Variants in ARHGEF10 observed in about 807,000 individuals in gnomAD.
The protein encoded by ARHGEF10 is Rho guanine nucleotide exchange factor 10.
ARHGEF10 carries 140 observed loss-of-function variants against 147.4 expected under a neutral mutation model. The ratio of observed to expected loss-of-function variants is 0.95; its 90% CI spans 0.83 to 1.09. The LOEUF (loss-of-function observed/expected upper bound fraction) is 1.09, where lower values mean the gene tolerates loss of function less well. ARHGEF10 is among the 50% of genes least tolerant of loss of function. ARHGEF10 has a pLI of 0.00. For synonymous variants in ARHGEF10, 902 were observed against 695.8 expected, an observed-to-expected ratio of 1.30 and a Z score of -4.67; for missense variants, 2,222 against 1,752.7, an observed-to-expected ratio of 1.27 and a Z score of -4.78.
At chr8:1,858,757 G>T (rs1158717869) in intron 3 of ARHGEF10, 1 of 136,928 alleles carries the variant, frequency 7.3e-6, no homozygotes, top group East Asian at 2.3e-4. Context: ...GTTTCTTCAG[G>T]TGTAGTACCA....
At position 1,954,695 on chromosome 8, in the gene ARHGEF10, G is replaced by T. The variant is rs566912912; in HGVS notation, c.3520+1868G>T. ...CTCTCTGCTCACAACCCTAGGAAAT[G>T]ATGATGCTGAGTTTTACGTCAATTA... On this transcript the variant is annotated intron_variant, in intron 28 of 28. Coordinates refer to ENST00000349830, the MANE Select transcript of ARHGEF10 (RefSeq NM_014629.4). 3.3e-5 allele frequency among the ~76,000 whole-genome samples: 5 copies of T among 152,332 alleles called. No homozygotes were observed. In the South Asian group the frequency reaches 8.3e-4, roughly 25 times the overall value.
intron 26 of ARHGEF10, among the ~76,000 whole-genome samples, chr8:1,935,944 C>A (rs1176512015): frequency 6.6e-6 from 1 of 152,218 alleles, no homozygotes. Flanking sequence ...GCTGTGGTGC[C>A]TGATGAGCCC....
rs745842941 is a variant in ARHGEF10 at position 1,933,863 on chromosome 8, T to G, written c.3143T>G (p.Leu1048Arg). Residue 1048 changes from leucine (L) to arginine (R), a missense_variant, in exon 26 of 29, where the codon CTA becomes CGA. By Grantham distance (102) the Leu-to-Arg change is moderately radical. Coordinates refer to ENST00000349830, the MANE Select transcript of ARHGEF10 (RefSeq NM_014629.4). Reference protein sequence around the residue: ...IKLGVLPVRSLLMMEDTLWAA... With the variant: ...IKLGVLPVRSRLMMEDTLWAA... ...TTAGGCGTCCTACCAGTTAGAAGTCTACTCATGATGGAAGACACGTTGTGG... is the reference window on the plus strand; with the variant it reads ...TTAGGCGTCCTACCAGTTAGAAGTCGACTCATGATGGAAGACACGTTGTGG... 3 of 1,614,238 alleles carry G rather than the reference T, an allele frequency of 1.9e-6. No homozygotes were observed. Among genetic ancestry groups the G allele is most frequent in the Admixed American group, 3.3e-5 (2 of 60,028 alleles).
intron 1 of ARHGEF10, among the ~76,000 whole-genome samples, chr8:1,842,311 TGA>T (rs1242376179): frequency 6.6e-6 from 1 of 152,130 alleles, no homozygotes; most frequent in African/African-American, 2.4e-5. Context: ...TGTCTGCTTC[TGA>T]GAGTGCCAGA....
chr8:1,853,031 C>T (rs771542788), intron 2 of ARHGEF10, among the ~76,000 whole-genome samples: 1 of 152,162 alleles, frequency 6.6e-6, no homozygotes, highest in Non-Finnish European at 1.5e-5. Flanking sequence ...AAGAATGGTC[C>T]CCAGGTTAGA....
intron 18 of ARHGEF10, among the ~76,000 whole-genome samples, chr8:1,919,280 T>C (rs1227499179): frequency 6.8e-6 from 1 of 146,406 alleles, no homozygotes; most frequent in Non-Finnish European, 1.5e-5. Flanking sequence ...AGCTGTTCTG[T>C]GGGTGATGAG....
chr8:1,954,373 G>A (rs1010707890), intron 28 of ARHGEF10, among the ~76,000 whole-genome samples: 3 of 152,154 alleles, frequency 2.0e-5, no homozygotes, highest in East Asian at 1.9e-4. Context: ...ATTCTGTGTC[G>A]ACGTGATGCT....
At chr8:1,843,847 C>G (rs1804289406) in intron 2 of ARHGEF10, among the ~76,000 whole-genome samples, 1 of 152,222 alleles carries the variant, frequency 6.6e-6, no homozygotes, top group African/African-American at 2.4e-5. Context: ...TTCTGCCTCC[C>G]TCCTCTGAGC....
At chr8:1,950,112 C>G (rs1214299811) in intron 27 of ARHGEF10, among the ~76,000 whole-genome samples, 1 of 152,136 alleles carries the variant, frequency 6.6e-6, no homozygotes, top group Non-Finnish European at 1.5e-5. Flanking sequence ...CACGTGTAAC[C>G]CATTTACCAA....
At chr8:1,887,127 C>T (rs1421966779) in intron 11 of ARHGEF10, among the ~76,000 whole-genome samples, 1 of 152,222 alleles carries the variant, frequency 6.6e-6, no homozygotes, top group East Asian at 1.9e-4. Context: ...TGTGGGGTAC[C>T]TATTCTGGTG....
intron 16 of ARHGEF10, among the ~76,000 whole-genome samples, chr8:1,904,869 C>G (rs1291119686): frequency 1.3e-5 from 2 of 152,132 alleles, no homozygotes; most frequent in Non-Finnish European, 1.5e-5. Context: ...GCCTGTAATC[C>G]CAGCTCTTTG....
intron 2 of ARHGEF10, among the ~76,000 whole-genome samples, chr8:1,853,767 T>C (rs1805331752): frequency 6.6e-6 from 1 of 152,202 alleles, no homozygotes; most frequent in African/African-American, 2.4e-5. Flanking sequence ...CCCGGGAATG[T>C]AGGTCACAGC....
At chr8:1,874,868 T>G (rs1339224167) in intron 7 of ARHGEF10, among the ~76,000 whole-genome samples, 49 of 72,858 alleles carry the variant, frequency 6.7e-4, no homozygotes, top group African/African-American at 2.2e-3. Context: ...TCTAAGACAG[T>G]CTGGTGGGAG....
intron 27 of ARHGEF10, among the ~76,000 whole-genome samples, chr8:1,947,690 A>C (rs1400589514): frequency 1.0e-5 from 1 of 97,744 alleles, no homozygotes; most frequent in Non-Finnish European, 2.0e-5. Context: ...CCCCGCATTC[A>C]GCACCCACCC....
chr8:1,909,218 G>T (rs1182205316), intron 17 of ARHGEF10, 77 bp from the exon 18 acceptor site: 15 of 1,593,574 alleles, frequency 9.4e-6, no homozygotes, highest in Non-Finnish European at 1.3e-5. Flanking sequence ...TTTCTCACTT[G>T]AACATCTGAG....
intron 2 of ARHGEF10, among the ~76,000 whole-genome samples, chr8:1,847,283 T>C (rs1053896311): frequency 8.5e-5 from 13 of 152,110 alleles, no homozygotes; most frequent in African/African-American, 2.4e-4. Flanking sequence ...TCTCATAAGT[T>C]TGGGGAGGAT....
At chr8:1,903,973 T>C (rs556824912) in intron 16 of ARHGEF10, 1 of 180,846 alleles carries the variant, frequency 5.5e-6, no homozygotes, top group Admixed American at 5.5e-5. Flanking sequence ...CATGCACCTA[T>C]ATAGTCTGAG....
intron 1 of ARHGEF10, among the ~76,000 whole-genome samples, chr8:1,824,384 G>A (rs556051808): frequency 6.6e-6 from 1 of 152,022 alleles, no homozygotes; most frequent in Non-Finnish European, 1.5e-5. Flanking sequence ...GGCCCCAGGG[G>A]CAGGAGCGAA....
At chr8:1,940,125 T>C (rs1714562982) in intron 26 of ARHGEF10, among the ~76,000 whole-genome samples, 1 of 152,176 alleles carries the variant, frequency 6.6e-6, no homozygotes, top group Non-Finnish European at 1.5e-5. Context: ...TGGATTGTGA[T>C]TGTGAAAGAG....
Sources: gnomAD v4.1 joint callset for allele counts (sites outside exome capture counted in the v4.1 genomes callset) on GRCh38, gnomAD v4.1.1 for gene constraint, MANE v1.5 for transcripts, NCBI Gene and HGNC (gene_info 2026-07-23, HGNC 2026-07-21) for gene names.